The following ZNF644 variants were observed in gnomAD, a reference collection of about 807,000 sequenced individuals.
ZNF644 encodes the protein zinc finger motif enhancer binding protein 2.
In ZNF644, 20 loss-of-function variants were observed where a neutral mutation model predicts 108.0. That is an observed-to-expected ratio of 0.19 (90% confidence interval 0.13 to 0.27). The LOEUF (loss-of-function observed/expected upper bound fraction) is 0.27. Among genes scored for constraint, ZNF644 ranks in the 10% least tolerant of loss-of-function variants. ZNF644 has a pLI of 1.00. For synonymous variants in ZNF644, 542 were observed against 539.1 expected, an observed-to-expected ratio of 1.01 and a Z score of -0.08; for missense variants, 1,338 against 1,548.9, an observed-to-expected ratio of 0.86 and a Z score of 2.29.
rs78445319 is a variant in ZNF644, at chr1:91,012,281, C to T, written c.-18+9709G>A. Among the ~76,000 whole-genome samples, 432 of 147,530 alleles carry T rather than the reference C, an allele frequency of 2.9e-3. 3 individuals are homozygous for T. Among genetic ancestry groups the T allele is most frequent in the African/African-American group, 0.011 (420 of 39,986 alleles). On this transcript the variant is annotated intron_variant, in intron 1 of 5. Transcript: ENST00000337393. ...TTAGAAACAAAAACTCCAGCCCGGG[C>T]AACATGGTAAAACCCTATCTCTACT...
chr1:90,963,429 T>C (rs1027324999), intron 2 of ZNF644, among the ~76,000 whole-genome samples: 7 of 152,174 alleles, frequency 4.6e-5, no homozygotes, highest in African/African-American at 1.7e-4. Flanking sequence ...TGTCATCTTC[T>C]AAATTTGAAC....
At chr1:90,990,561 C>CT (rs1223840065) in intron 1 of ZNF644, among the ~76,000 whole-genome samples, 2 of 152,162 alleles carry the variant, frequency 1.3e-5, no homozygotes, top group East Asian at 3.8e-4. Flanking sequence ...TATGCAGAAT[C>CT]TGGTGGTAAT....
At chr1:90,923,333 T>C (rs1275748739) in intron 4 of ZNF644, among the ~76,000 whole-genome samples, 1 of 151,456 alleles carries the variant, frequency 6.6e-6, no homozygotes, top group East Asian at 1.9e-4. Context: ...CCCCTCAATC[T>C]CTCGGCCCAT....
chr1:90,950,677 CA>C (rs1653058027), intron 2 of ZNF644, among the ~76,000 whole-genome samples: 1 of 152,040 alleles, frequency 6.6e-6, no homozygotes, highest in East Asian at 1.9e-4. Flanking sequence ...CAAAGGTTAA[CA>C]AATCAAGCAG....
At chr1:90,978,590 A>C (rs1459781517) in intron 2 of ZNF644, among the ~76,000 whole-genome samples, 1 of 152,204 alleles carries the variant, frequency 6.6e-6, no homozygotes, top group African/African-American at 2.4e-5. Context: ...ACAAATATCC[A>C]TAAAGAATTT....
At chr1:91,006,977 T>A (rs1187210785) in intron 1 of ZNF644, among the ~76,000 whole-genome samples, 3 of 152,200 alleles carry the variant, frequency 2.0e-5, no homozygotes, top group African/African-American at 7.2e-5. Flanking sequence ...TCCTTCAGGA[T>A]TTTGAATGTA....
intron 2 of ZNF644, among the ~76,000 whole-genome samples, chr1:90,979,624 T>C (rs1656358131): frequency 6.6e-6 from 1 of 152,218 alleles, no homozygotes; most frequent in African/African-American, 2.4e-5. Flanking sequence ...ATTCTACAAT[T>C]TCTTCCTCCA....
At chr1:90,921,184 G>A (rs1649388796) in intron 4 of ZNF644, among the ~76,000 whole-genome samples, 1 of 152,168 alleles carries the variant, frequency 6.6e-6, no homozygotes. Context: ...ATTATATCTA[G>A]AGGGAAAAGT....
chr1:90,938,855 C>T lies in ZNF644; in HGVS notation c.2499G>A (p.Leu833=). 2 of 1,613,830 alleles carry T rather than the reference C, an allele frequency of 1.2e-6. No homozygotes were observed. The highest frequency in any genetic ancestry group is 1.7e-6 in the Non-Finnish European group (2 of 1,179,918). ...GCAAAACGACAACAGTCATTTTATG[C>T]AAAAAATCTGGATAGCTATCCAAGT... The part of the protein sequence containing the change: ...GEDLDSYPDF[L]HKMTVVVLQK... The change falls in exon 3 of 6, where the codon TTG becomes TTA. Residue 833 remains leucine, a synonymous_variant. Coordinates refer to ENST00000337393, the MANE Select transcript of ZNF644 (RefSeq NM_201269.3). The surrounding 1 kb of genome is among the most constrained non-coding windows in gnomAD (Gnocchi z 4.2).
In ZNF644 at chr1:90,940,405, T is replaced by C. The variant is rs747038917; in HGVS notation, c.949A>G (p.Lys317Glu). The change falls in exon 3 of 6, where the codon AAA (lysine) becomes GAA (glutamate). Residue 317 changes from lysine (K) to glutamate (E), a missense_variant. Transcript: ENST00000337393. ...CFSDSNCVPN[K>E]SKMQEVDFLE... ...AAGTCTACTTCTTGCATTTTTGATTTATTGGGTACACAATTAGAATCACTA... is the reference window on the plus strand; with the variant it reads ...AAGTCTACTTCTTGCATTTTTGATTCATTGGGTACACAATTAGAATCACTA... 91 of 1,613,620 alleles carry C rather than the reference T, an allele frequency of 5.6e-5. No individual in the cohort carries two copies. Among genetic ancestry groups the C allele is most frequent in the Non-Finnish European group, 7.5e-5 (89 of 1,179,944 alleles).
intron 4 of ZNF644, among the ~76,000 whole-genome samples, chr1:90,931,954 A>G (rs897447028): frequency 1.3e-5 from 2 of 152,140 alleles, no homozygotes; most frequent in Non-Finnish European, 2.9e-5. Flanking sequence ...AAGTCTATAC[A>G]CACAAAAATT....
At chr1:90,984,867 T>G (rs534978522) in intron 1 of ZNF644, among the ~76,000 whole-genome samples, 3 of 152,324 alleles carry the variant, frequency 2.0e-5, no homozygotes, top group South Asian at 2.1e-4. Context: ...TCTGTAGTAT[T>G]TTATGACAGT....
intron 1 of ZNF644, among the ~76,000 whole-genome samples, chr1:91,013,102 C>T (rs1375083645): frequency 2.6e-5 from 4 of 152,010 alleles, no homozygotes; most frequent in African/African-American, 4.8e-5. Context: ...GAGACTGAGT[C>T]TCACTCTGTC....
At chr1:90,973,623 T>A (rs1448761800) in intron 2 of ZNF644, among the ~76,000 whole-genome samples, 1 of 152,152 alleles carries the variant, frequency 6.6e-6, no homozygotes, top group Non-Finnish European at 1.5e-5. Flanking sequence ...GTGTTAAGTG[T>A]AGAAAGAGTA....
chr1:90,924,639 A>G (rs1044284307), intron 4 of ZNF644, among the ~76,000 whole-genome samples: 5 of 152,168 alleles, frequency 3.3e-5, no homozygotes, highest in Non-Finnish European at 5.9e-5. Context: ...TAAATGGCAC[A>G]AATCCATGGT....
intron 1 of ZNF644, among the ~76,000 whole-genome samples, chr1:91,008,473 T>C (rs755155033): frequency 1.9e-4 from 29 of 152,294 alleles, no homozygotes; most frequent in African/African-American, 3.1e-4. Context: ...TCTGGAGCCA[T>C]ACACAGGAAT....
intron 1 of ZNF644, among the ~76,000 whole-genome samples, chr1:91,019,488 ATC>A (rs1660705153): frequency 1.3e-5 from 2 of 151,960 alleles, no homozygotes; most frequent in South Asian, 4.1e-4. Context: ...CTCTGAAACT[ATC>A]TGATATTTCT....
intron 1 of ZNF644, among the ~76,000 whole-genome samples, chr1:91,019,620 G>T (rs1207101090): frequency 1.3e-5 from 2 of 152,090 alleles, no homozygotes; most frequent in Non-Finnish European, 2.9e-5. Context: ...CACCAGACTG[G>T]AGTGCAGTGC....
At chr1:91,005,974 C>T (rs1422421263) in intron 1 of ZNF644, among the ~76,000 whole-genome samples, 1 of 151,816 alleles carries the variant, frequency 6.6e-6, no homozygotes, top group Non-Finnish European at 1.5e-5. Context: ...AAAGTTGGTT[C>T]TTTGAAAAGA....
Sources: gnomAD v4.1 joint callset for allele counts (sites outside exome capture counted in the v4.1 genomes callset) on GRCh38, gnomAD v4.1.1 for gene constraint, Gnocchi (gnomAD v3.1) non-coding constraint, MANE v1.5 for transcripts, NCBI Gene and HGNC (gene_info 2026-07-23, HGNC 2026-07-21) for gene names.